SIPA1L2: variants seen among roughly 807,000 people sequenced by gnomAD.
The protein encoded by SIPA1L2 is signal induced proliferation associated 1 like 2.
In SIPA1L2, 56 loss-of-function variants were observed where a neutral mutation model predicts 163.9. The observed-to-expected ratio is 0.34, with a 90% confidence interval of 0.28 to 0.43. The LOEUF (loss-of-function observed/expected upper bound fraction) is 0.43, where lower values mean the gene tolerates loss of function less well. Ranked by LOEUF, SIPA1L2 falls within the 20% of genes least tolerant of loss-of-function variation. The probability of loss-of-function intolerance (pLI) is 1.00; values close to 1 mark genes in which losing one functional copy is unlikely to be tolerated. For missense variants in SIPA1L2, 1,974 were observed against 2,193.5 expected, an observed-to-expected ratio of 0.90 and a Z score of 2.00; for synonymous variants, 877 against 865.7, an observed-to-expected ratio of 1.01 and a Z score of -0.23.
chr1:232,543,583 G>A (rs890098819), intron 2 of SIPA1L2, among the ~76,000 whole-genome samples: 4 of 152,214 alleles, frequency 2.6e-5, no homozygotes, highest in Non-Finnish European at 5.9e-5. Flanking sequence ...TGCATACAAT[G>A]GGCCAGGTGC....
In SIPA1L2 at chr1:232,439,411, C is replaced by T. The variant is rs749005112; in HGVS notation, c.3728G>A (p.Gly1243Glu). The T allele has an allele frequency of 1.9e-6, 3 of 1,614,202 alleles. No individual in the cohort carries two copies. Among genetic ancestry groups the T allele is most frequent in the Non-Finnish European group, 2.5e-6 (3 of 1,180,040 alleles). ...TSSNSDDKHFGSGDLMDPELL... is the reference protein window; with the variant it reads ...TSSNSDDKHFESGDLMDPELL... ...TTCGGGGTCCATCAGGTCGCCAGAC[C>T]CAAAGTGCTTGTCGTCACTGTTGCT... Residue 1243 changes from glycine (G) to glutamate (E), a missense_variant, in exon 15 of 23, where the codon GGG (glycine) becomes GAG (glutamate). Gly to Glu is a moderately conservative substitution (Grantham distance 98, BLOSUM62 -2). Around this residue, in one of 3 missense-constraint regions of SIPA1L2, gnomAD observed 1,079 missense variants for 1,150.7 expected, o/e 0.94. Transcript: ENST00000674635.
intron 10 of SIPA1L2, among the ~76,000 whole-genome samples, chr1:232,459,750 C>T (rs1003684364): frequency 6.6e-5 from 10 of 151,958 alleles, no homozygotes; most frequent in Middle Eastern, 3.2e-3. Flanking sequence ...TGGGCTCAAG[C>T]GATCTGCCCA....
At chr1:232,614,009 T>C (rs1040955424) in intron 1 of SIPA1L2, among the ~76,000 whole-genome samples, 1 of 152,228 alleles carries the variant, frequency 6.6e-6, no homozygotes, top group African/African-American at 2.4e-5. Context: ...TGCAATTTCT[T>C]TGGCATCTCC....
chr1:232,439,389 G>C lies in SIPA1L2; in HGVS notation c.3750C>G (p.Pro1250=). ...TGATGTAGGTCAGCCCCAGTAATTC[G>C]GGGTCCATCAGGTCGCCAGACCCAA... ...KHFGSGDLMD[P]ELLGLTYIKG... The change falls in exon 15 of 23, where the codon CCC becomes CCG. Residue 1250 remains proline, a synonymous_variant. Coordinates refer to ENST00000674635, the MANE Select transcript of SIPA1L2 (RefSeq NM_020808.5). 2.5e-6 allele frequency: 4 copies of C among 1,614,164 alleles called. No individual in the cohort carries two copies. Among genetic ancestry groups the C allele is most frequent in the South Asian group, 1.1e-5 (1 of 91,078 alleles).
intron 2 of SIPA1L2, among the ~76,000 whole-genome samples, chr1:232,543,315 C>T (rs1185106681): frequency 6.6e-6 from 1 of 152,128 alleles, no homozygotes; most frequent in Non-Finnish European, 1.5e-5. Flanking sequence ...TACAGCTGGC[C>T]CTTGAACACG....
intron 10 of SIPA1L2, among the ~76,000 whole-genome samples, chr1:232,456,795 A>T (rs879620670): frequency 6.6e-6 from 1 of 152,138 alleles, no homozygotes; most frequent in Admixed American, 6.5e-5. Flanking sequence ...TTTGCCACAG[A>T]GACTGTCTGC....
rs958372291 is a variant in SIPA1L2, at chr1:232,464,752, A to C, written c.2820+88T>G. ...AGTAATGCATTCCCTAATTGGTATA[A>C]TCATGGTAGCAGTTCCCCAGTGAAA... On this transcript the variant is annotated intron_variant, in intron 9 of 22. Transcript: ENST00000674635. 4.7e-6 allele frequency: 5 copies of C among 1,066,098 alleles called. No homozygotes were observed. In the African/African-American group the frequency reaches 8.0e-5, roughly 17 times the overall value. The allele number at this position is 1,066,098 out of a possible 1,614,324, so 66.0% of individuals were successfully genotyped here.
At chr1:232,408,363 T>C (rs1341280285) in intron 19 of SIPA1L2, among the ~76,000 whole-genome samples, 1 of 152,092 alleles carries the variant, frequency 6.6e-6, no homozygotes, top group African/African-American at 2.4e-5. Context: ...TGCACAATAT[T>C]TTTCTATTGG....
intron 2 of SIPA1L2, among the ~76,000 whole-genome samples, chr1:232,541,054 A>G (rs1268326230): frequency 1.3e-5 from 2 of 152,174 alleles, no homozygotes; most frequent in Admixed American, 6.5e-5. Flanking sequence ...ATGAGAACAC[A>G]TGGACACAGG....
chr1:232,608,020 C>T (rs1394526080), intron 1 of SIPA1L2, among the ~76,000 whole-genome samples: 1 of 133,578 alleles, frequency 7.5e-6, no homozygotes, highest in East Asian at 2.3e-4. Context: ...GCACTCCAGC[C>T]TGGGCAACAA....
chr1:232,611,265 CA>C (rs1662222180), intron 1 of SIPA1L2, among the ~76,000 whole-genome samples: 1 of 152,134 alleles, frequency 6.6e-6, no homozygotes, highest in Admixed American at 6.5e-5. Context: ...TCTTTATCAG[CA>C]GCGTGAAAAT....
intron 2 of SIPA1L2, among the ~76,000 whole-genome samples, chr1:232,554,146 T>A (rs1419575563): frequency 6.6e-6 from 1 of 152,214 alleles, no homozygotes; most frequent in Admixed American, 6.5e-5. Flanking sequence ...ATGGATACAT[T>A]TGGTTTTAAA....
intron 2 of SIPA1L2, among the ~76,000 whole-genome samples, chr1:232,566,534 T>C (rs1659416214): frequency 1.3e-5 from 2 of 152,322 alleles, no homozygotes; most frequent in South Asian, 2.1e-4. Flanking sequence ...CAAAACTGTC[T>C]TTATAACATG....
At chr1:232,432,573 G>C (rs538886663) in intron 15 of SIPA1L2, 102 bp from the exon 16 acceptor site, 2 of 1,135,038 alleles carry the variant, frequency 1.8e-6, no homozygotes, top group Non-Finnish European at 1.3e-6. Flanking sequence ...GTCTTTCTCC[G>C]AGAGCAAAAT....
intron 19 of SIPA1L2, among the ~76,000 whole-genome samples, chr1:232,413,988 GC>G (rs1661101936): frequency 6.6e-6 from 1 of 152,162 alleles, no homozygotes; most frequent in Non-Finnish European, 1.5e-5. Context: ...GCTGGGTCAT[GC>G]CCAAGAAAGT....
chr1:232,437,822 C>T (rs943339882), intron 15 of SIPA1L2, among the ~76,000 whole-genome samples: 7 of 152,104 alleles, frequency 4.6e-5, no homozygotes, highest in South Asian at 4.1e-4. Context: ...ACTTTCTACC[C>T]GGGGACAGAC....
At chr1:232,574,670 G>A (rs996544642) in intron 1 of SIPA1L2, among the ~76,000 whole-genome samples, 8 of 152,120 alleles carry the variant, frequency 5.3e-5, no homozygotes, top group Non-Finnish European at 1.2e-4. Flanking sequence ...AACATCAACA[G>A]AGATAAGCCA....
At position 232,415,628 on chromosome 1, in the gene SIPA1L2, A is replaced by T. The variant is rs764504415; in HGVS notation, c.4631-3T>A. The T allele has an allele frequency of 6.2e-7, 1 of 1,613,876 alleles. No homozygotes were observed. The highest frequency in any genetic ancestry group is 1.6e-4 in the Middle Eastern group (1 of 6,062). On this transcript the variant is annotated splice_polypyrimidine_tract_variant and splice_region_variant and intron_variant, in intron 18 of 22. Coordinates refer to ENST00000674635, the MANE Select transcript of SIPA1L2 (RefSeq NM_020808.5). ...CCCATCGGAGAACCAGAACTCATCTAAACAGAAACAAAACCAGAGAGTCAG... is the reference window on the plus strand; with the variant it reads ...CCCATCGGAGAACCAGAACTCATCTTAACAGAAACAAAACCAGAGAGTCAG...
chr1:232,624,983 C>T (rs1662999340), intron 1 of SIPA1L2, among the ~76,000 whole-genome samples: 1 of 152,180 alleles, frequency 6.6e-6, no homozygotes, highest in Admixed American at 6.5e-5. Flanking sequence ...CACAGTGTGA[C>T]CCTAGTGTCT....
Sources: gnomAD v4.1 joint callset for allele counts (sites outside exome capture counted in the v4.1 genomes callset) on GRCh38, gnomAD v4.1.1 for gene constraint, gnomAD v4.1.1 regional missense constraint, MANE v1.5 for transcripts, NCBI Gene and HGNC (gene_info 2026-07-23, HGNC 2026-07-21) for gene names.